The following TANGO6 variants were observed in gnomAD, a reference collection of about 807,000 sequenced individuals.
TANGO6 encodes transport and Golgi organization protein 6 homolog.
A neutral mutation model predicts 114.2 loss-of-function variants in TANGO6; 90 were observed. That is an observed-to-expected ratio of 0.79 (90% CI 0.66 to 0.94). The LOEUF (loss-of-function observed/expected upper bound fraction) is 0.94. Among genes scored for constraint, TANGO6 ranks in the 40% least tolerant of loss-of-function variants. The probability of loss-of-function intolerance (pLI) is 0.00; values close to 1 mark genes in which losing one functional copy is unlikely to be tolerated. For synonymous variants in TANGO6, 477 were observed against 509.8 expected (o/e 0.94, Z 0.87); for missense variants, 1,274 against 1,315.3 (o/e 0.97, Z 0.49).
chr16:68,883,844 A>G (rs1190077663), intron 7 of TANGO6, among the ~76,000 whole-genome samples: 1 of 152,164 alleles, frequency 6.6e-6, no homozygotes, highest in African/African-American at 2.4e-5. Context: ...GTTTTGCTTT[A>G]AGCGTTCTGC....
intron 15 of TANGO6, among the ~76,000 whole-genome samples, chr16:68,996,071 T>C (rs1963986594): frequency 6.6e-6 from 1 of 152,226 alleles, no homozygotes; most frequent in Non-Finnish European, 1.5e-5. Flanking sequence ...TACATTATAT[T>C]GACTAAGATC....
intron 2 of TANGO6, among the ~76,000 whole-genome samples, chr16:68,861,652 A>C (rs947658611): frequency 2.0e-5 from 3 of 152,178 alleles, no homozygotes; most frequent in African/African-American, 7.2e-5. Flanking sequence ...ATGAAAAGGG[A>C]AACACAGAGA....
rs1355615031 is a variant in TANGO6 at position 69,016,115 on chromosome 16, C to A, written c.2843-6713C>A. Reference sequence around the variant, plus strand: ...TGCTGGAAATTTTATTATTTATTGTCTTTCTTCCCCGCTAGAAGTAGGCTT... The same window carrying A: ...TGCTGGAAATTTTATTATTTATTGTATTTCTTCCCCGCTAGAAGTAGGCTT... On this transcript the variant is annotated intron_variant, in intron 15 of 17. Transcript: ENST00000261778. 2.0e-5 allele frequency among the ~76,000 whole-genome samples: 3 copies of A among 152,152 alleles called. No individual in the cohort carries two copies. The East Asian group carries it at 5.8e-4, about 29-fold the overall frequency.
At chr16:69,073,473 G>C (rs898385052) in intron 17 of TANGO6, among the ~76,000 whole-genome samples, 1 of 152,180 alleles carries the variant, frequency 6.6e-6, no homozygotes, top group Non-Finnish European at 1.5e-5. Context: ...GGGAGGGTTC[G>C]TGCCTTATTC....
intron 14 of TANGO6, among the ~76,000 whole-genome samples, chr16:68,933,351 G>T (rs1465971834): frequency 6.6e-6 from 1 of 152,124 alleles, no homozygotes; most frequent in Non-Finnish European, 1.5e-5. Context: ...GGAGATGAGG[G>T]TTGCAGTGAG....
chr16:68,951,792 T>G (rs962027205), intron 14 of TANGO6, among the ~76,000 whole-genome samples: 3 of 152,194 alleles, frequency 2.0e-5, no homozygotes, highest in Non-Finnish European at 2.9e-5. Flanking sequence ...TTTTGTATTT[T>G]TAGTAGAGAC....
At chr16:68,939,072 CA>C (rs752047565) in intron 14 of TANGO6, among the ~76,000 whole-genome samples, 169 of 57,038 alleles carry the variant, frequency 3.0e-3, no homozygotes, top group South Asian at 6.3e-3. Context: ...ACCCTGTCCC[CA>C]AAAAAAAAAA....
In TANGO6 at chr16:68,900,555, T is replaced by A. The variant is rs770328809; in HGVS notation, c.1490+9T>A. On this transcript the variant is annotated intron_variant, in intron 8 of 17. Transcript: ENST00000261778. ...AGTGTGTCTCACATAAGGTAAACAA[T>A]CAAGGGACCCTTATTTGTTTATAAA... The A allele has an allele frequency of 6.3e-7, 1 of 1,579,318 alleles. No homozygotes were observed. Among genetic ancestry groups the A allele is most frequent in the East Asian group, 2.2e-5 (1 of 44,636 alleles).
intron 7 of TANGO6, among the ~76,000 whole-genome samples, chr16:68,886,665 C>T (rs1239427833): frequency 2.6e-5 from 4 of 152,114 alleles, no homozygotes; most frequent in East Asian, 3.8e-4. Flanking sequence ...CCTGGCACCA[C>T]GCCCAGTTAA....
chr16:68,984,994 A>G (rs1963877114), intron 15 of TANGO6, among the ~76,000 whole-genome samples: 1 of 143,590 alleles, frequency 7.0e-6, no homozygotes, highest in Admixed American at 7.0e-5. Context: ...GGTTAACATT[A>G]TTTGTAAGTA....
At chr16:69,066,014 G>T (rs1960208970) in intron 17 of TANGO6, among the ~76,000 whole-genome samples, 1 of 152,140 alleles carries the variant, frequency 6.6e-6, no homozygotes, top group Non-Finnish European at 1.5e-5. Flanking sequence ...GCCCCTTTCT[G>T]CTTCCCCGGC....
chr16:69,019,708 A>G (rs140614685), intron 15 of TANGO6, among the ~76,000 whole-genome samples: 2 of 151,008 alleles, frequency 1.3e-5, no homozygotes, highest in Non-Finnish European at 2.9e-5. Flanking sequence ...ATTTTATTTC[A>G]TTTTAGTTTT....
intron 1 of TANGO6, among the ~76,000 whole-genome samples, chr16:68,853,667 G>A (rs1414424106): frequency 1.3e-5 from 2 of 152,156 alleles, no homozygotes; most frequent in Admixed American, 6.5e-5. Context: ...ATGTTAGAGT[G>A]GAATTGCTGG....
chr16:69,065,423 C>T (rs566608709), intron 17 of TANGO6, among the ~76,000 whole-genome samples: 3 of 152,320 alleles, frequency 2.0e-5, no homozygotes, highest in East Asian at 3.9e-4. Flanking sequence ...CTAAACTGTC[C>T]ATGTCCCTGT....
intron 7 of TANGO6, among the ~76,000 whole-genome samples, chr16:68,899,015 GTAAT>G: frequency 6.6e-6 from 1 of 151,182 alleles, no homozygotes; most frequent in South Asian, 2.1e-4. Context: ...GCTCATACCT[GTAAT>G]TCCAGCACTT....
intron 17 of TANGO6, among the ~76,000 whole-genome samples, chr16:69,050,039 T>C (rs997630050): frequency 6.6e-6 from 1 of 152,212 alleles, no homozygotes; most frequent in Non-Finnish European, 1.5e-5. Context: ...GCTATGAACA[T>C]TTGTGTAGAA....
At position 68,891,837 on chromosome 16, in the gene TANGO6, A is replaced by G. The variant is rs78114643; in HGVS notation, c.1378-8597A>G. Among the ~76,000 whole-genome samples the G allele has an allele frequency of 2.9e-3, 395 of 136,110 alleles. 2 individuals carry two copies. Among genetic ancestry groups the G allele is most frequent in the Middle Eastern group, 7.4e-3 (2 of 270 alleles). 89.3% of individuals were successfully genotyped at this position (136,110 alleles called of 152,430 possible). ...AAGGACGGAGGGGAGGAGGGAGGGA[A>G]AGGGAAAGAAAAGGAAAGGGGGAGG... On this transcript the variant is annotated intron_variant, in intron 7 of 17. Transcript: ENST00000261778.
Position 69,022,927 on chromosome 16 carries a change from T to C in TANGO6, c.2942T>C (p.Leu981Pro), listed in dbSNP as rs1265036153. Reference protein sequence around the residue: ...GAHRASSLANLGELCQRLDFL... With the variant: ...GAHRASSLANPGELCQRLDFL... The stretch of plus-strand genomic sequence containing the variant: ...CACAGGGCCAGCAGCTTGGCCAACC[T>C]TGGGGAGCTGTGCCAGAGGCTGGAC... The change falls in exon 16 of 18, where the codon CTT (leucine) becomes CCT (proline). Residue 981 changes from leucine to proline, a missense_variant. Around this residue, in one of 5 missense-constraint regions of TANGO6, gnomAD observed 238 missense variants for 252.9 expected, o/e 0.94. Transcript: ENST00000261778. 2.5e-6 allele frequency: 4 copies of C among 1,605,146 alleles called. No individual in the cohort carries two copies. Among genetic ancestry groups the C allele is most frequent in the African/African-American group, 2.7e-5 (2 of 74,754 alleles).
At chr16:68,977,194 T>C (rs1963773034) in intron 15 of TANGO6, among the ~76,000 whole-genome samples, 1 of 152,116 alleles carries the variant, frequency 6.6e-6, no homozygotes, top group Non-Finnish European at 1.5e-5. Context: ...AGCCCTTAAT[T>C]TTCCTAATTT....
Sources: gnomAD v4.1 joint callset for allele counts (sites outside exome capture counted in the v4.1 genomes callset) on GRCh38, gnomAD v4.1.1 for gene constraint, gnomAD v4.1.1 regional missense constraint, MANE v1.5 for transcripts, NCBI Gene and HGNC (gene_info 2026-07-23, HGNC 2026-07-21) for gene names.